Variants in RBMS3 observed in about 807,000 individuals in gnomAD.
RBMS3 encodes the protein RNA-binding motif, single-stranded-interacting protein 3.
A neutral mutation model predicts 66.8 loss-of-function variants in RBMS3; 27 were observed. The observed-to-expected ratio is 0.40, with a 90% CI of 0.30 to 0.56. The LOEUF (loss-of-function observed/expected upper bound fraction) is 0.56, where lower values mean the gene tolerates loss of function less well. Among genes scored for constraint, RBMS3 ranks in the 20% least tolerant of loss-of-function variants. The pLI is 0.40. For synonymous variants in RBMS3, 188 were observed against 183.0 expected (o/e 1.03, Z -0.22); for missense variants, 513 against 549.5 (o/e 0.93, Z 0.66).
At chr3:29,749,858 C>CA (rs1180486157) in intron 5 of RBMS3, among the ~76,000 whole-genome samples, 2 of 151,998 alleles carry the variant, frequency 1.3e-5, no homozygotes, top group African/African-American at 4.8e-5. Flanking sequence ...GTCCTGATAC[C>CA]AAAAAACAAA....
At chr3:29,369,799 T>C (rs901699105) in intron 1 of RBMS3, among the ~76,000 whole-genome samples, 1 of 152,058 alleles carries the variant, frequency 6.6e-6, no homozygotes, top group Non-Finnish European at 1.5e-5. Context: ...AGGTCCCAAA[T>C]TGGTGATAGG....
chr3:29,926,256 T>G (rs2060935002), intron 10 of RBMS3, among the ~76,000 whole-genome samples: 1 of 152,250 alleles, frequency 6.6e-6, no homozygotes, highest in African/African-American at 2.4e-5. Context: ...TTTAATAGGG[T>G]CGTGACTTCA....
intron 14 of RBMS3, among the ~76,000 whole-genome samples, chr3:30,001,805 ATTTAT>A (rs200782493): frequency 0.015 from 2,267 of 150,188 alleles, 25 homozygotes; most frequent in South Asian, 0.028. Flanking sequence ...TATTTATTTT[ATTTAT>A]TTATTTTATT....
At chr3:29,283,306 G>A (rs763085954) in intron 1 of RBMS3, among the ~76,000 whole-genome samples, 13 of 151,982 alleles carry the variant, frequency 8.6e-5, no homozygotes, top group Non-Finnish European at 1.5e-4. Context: ...TTTCTACTAT[G>A]GTATATATTC....
intron 6 of RBMS3, among the ~76,000 whole-genome samples, chr3:29,852,528 C>A (rs1356923494): frequency 6.6e-6 from 1 of 152,170 alleles, no homozygotes; most frequent in African/African-American, 2.4e-5. Context: ...CAAAAGAAGA[C>A]ATACATCTAG....
chr3:29,802,917 T>A (rs1213593932), intron 6 of RBMS3, among the ~76,000 whole-genome samples: 1 of 152,182 alleles, frequency 6.6e-6, no homozygotes, highest in African/African-American at 2.4e-5. Flanking sequence ...GCACTCTGAA[T>A]GGTGAATACT....
chr3:29,552,305 C>T (rs1035299630), intron 3 of RBMS3, among the ~76,000 whole-genome samples: 2 of 152,078 alleles, frequency 1.3e-5, no homozygotes, highest in African/African-American at 4.8e-5. Flanking sequence ...TCCAGAGTCT[C>T]GGGAGATTTG....
At chr3:29,767,346 A>G (rs1173678475) in intron 6 of RBMS3, 2 of 150,908 alleles carry the variant, frequency 1.3e-5, no homozygotes, top group African/African-American at 2.4e-5. Context: ...CAGTGGAGCA[A>G]TCTTTTCAGA....
chr3:29,585,906 T>G (rs966390876), intron 3 of RBMS3, among the ~76,000 whole-genome samples: 1 of 152,012 alleles, frequency 6.6e-6, no homozygotes, highest in African/African-American at 2.4e-5. Context: ...GATAACATGC[T>G]GGGAGGGAGA....
At chr3:29,615,581 A>C (rs75711986) in intron 4 of RBMS3, among the ~76,000 whole-genome samples, 2,244 of 152,222 alleles carry the variant, frequency 0.015, 35 homozygotes, top group African/African-American at 0.043. Flanking sequence ...AAAATACAAT[A>C]AAAAGATGTA....
At chr3:29,814,830 C>A (rs1356510170) in intron 6 of RBMS3, among the ~76,000 whole-genome samples, 1 of 152,094 alleles carries the variant, frequency 6.6e-6, no homozygotes, top group Non-Finnish European at 1.5e-5. Flanking sequence ...CTTTTATGGA[C>A]CACTTTCTAG....
intron 12 of RBMS3, among the ~76,000 whole-genome samples, chr3:29,981,426 T>C (rs969241758): frequency 2.6e-5 from 4 of 152,206 alleles, no homozygotes; most frequent in Non-Finnish European, 5.9e-5. Flanking sequence ...TTTATTTCTT[T>C]CTCTTGCCTG....
intron 1 of RBMS3, among the ~76,000 whole-genome samples, chr3:29,334,878 G>A (rs1001944088): frequency 1.1e-4 from 17 of 152,166 alleles, no homozygotes; most frequent in African/African-American, 3.4e-4. Context: ...ATTCTTCTTC[G>A]CATGAAATAA....
At chr3:29,421,298 G>T (rs2125702131) in intron 1 of RBMS3, among the ~76,000 whole-genome samples, 1 of 152,228 alleles carries the variant, frequency 6.6e-6, no homozygotes, top group Non-Finnish European at 1.5e-5. Context: ...ATTTGCTTCA[G>T]CTACCCTAGA....
chr3:29,316,262 G>A (rs1202075771), intron 1 of RBMS3, among the ~76,000 whole-genome samples: 1 of 151,662 alleles, frequency 6.6e-6, no homozygotes, highest in African/African-American at 2.4e-5. Flanking sequence ...TTCTAAATAT[G>A]TCAAATATGC....
At chr3:29,962,791 C>T (rs1399556129) in intron 12 of RBMS3, among the ~76,000 whole-genome samples, 1 of 152,024 alleles carries the variant, frequency 6.6e-6, no homozygotes, top group Admixed American at 6.6e-5. Flanking sequence ...ATAAATCTCT[C>T]AACTGAGGCC....
chr3:29,295,055 G>A (rs937423347), intron 1 of RBMS3, among the ~76,000 whole-genome samples: 3 of 151,454 alleles, frequency 2.0e-5, no homozygotes, highest in African/African-American at 4.8e-5. Flanking sequence ...GCAAGATAAC[G>A]TTAGATGAAA....
At chr3:29,764,752 A>T (rs2055852568) in intron 6 of RBMS3, among the ~76,000 whole-genome samples, 1 of 152,052 alleles carries the variant, frequency 6.6e-6, no homozygotes, top group African/African-American at 2.4e-5. Context: ...TGCTGAAGAC[A>T]AAGAAAGTCA....
At chr3:29,770,597 A>C (rs1373587184) in intron 6 of RBMS3, among the ~76,000 whole-genome samples, 6 of 152,026 alleles carry the variant, frequency 3.9e-5, no homozygotes, top group Non-Finnish European at 7.4e-5. Context: ...ACTTATTTCT[A>C]AAATACTGAC....
Sources: allele counts gnomAD v4.1 joint callset (sites outside exome capture counted in the v4.1 genomes callset), GRCh38; gene constraint gnomAD v4.1.1; transcripts MANE v1.5; gene names NCBI Gene and HGNC (gene_info 2026-07-23, HGNC 2026-07-21).